The following IKBKG variants were observed in gnomAD, a reference collection of about 807,000 sequenced individuals.
The protein encoded by IKBKG is NF-kappa-B essential modulator.
In IKBKG, 2 loss-of-function variants were observed where a neutral mutation model predicts 13.7. That is an observed-to-expected ratio of 0.15 (90% CI 0.06 to 0.46). The LOEUF (loss-of-function observed/expected upper bound fraction) is 0.46. IKBKG is among the 20% of genes least tolerant of loss of function. The probability of loss-of-function intolerance (pLI) is 0.98; values close to 1 mark genes in which losing one functional copy is unlikely to be tolerated. For missense variants in IKBKG, 53 were observed against 150.3 expected, an observed-to-expected ratio of 0.35 and a Z score of 3.39; for synonymous variants, 22 against 64.4, an observed-to-expected ratio of 0.34 and a Z score of 3.15.
At chrX:154,553,812 G>C (rs1337909221) in intron 2 of IKBKG, among the ~76,000 whole-genome samples, 1 of 112,594 alleles carries the variant, frequency 8.9e-6, no homozygotes, top group African/African-American at 3.2e-5. Context: ...ACTGTATTGG[G>C]ATCTTCAAAG....
upstream of IKBKG, among the ~76,000 whole-genome samples, chrX:154,546,607 C>T (rs1317934759): frequency 1.8e-5 from 2 of 111,176 alleles, no homozygotes; most frequent in Non-Finnish European, 3.8e-5. Flanking sequence ...TCGGCAAGTC[C>T]CCTTCGCTCT....
chrX:154,542,722 C>A (rs782387448), upstream of IKBKG, among the ~76,000 whole-genome samples: 64 of 112,142 alleles, frequency 5.7e-4, no homozygotes, highest in African/African-American at 1.8e-3. Flanking sequence ...TTGTTCCCAA[C>A]TCGGGGCTCC....
At chrX:154,542,769 G>A (rs2070554792), upstream of IKBKG, among the ~76,000 whole-genome samples, 1 of 111,695 alleles carries the variant, frequency 9.0e-6, no homozygotes. Context: ...GTGCTCTCCC[G>A]GCCCTCTTTG....
intron 1 of IKBKG, among the ~76,000 whole-genome samples, chrX:154,550,939 G>T (rs1416406695): frequency 1.8e-5 from 2 of 109,483 alleles, no homozygotes; most frequent in Non-Finnish European, 3.8e-5. Flanking sequence ...CAGCCTCCTG[G>T]GTAGCTGGGG....
intron 2 of IKBKG, among the ~76,000 whole-genome samples, chrX:154,554,335 G>A (rs1219781805): frequency 2.7e-5 from 3 of 112,427 alleles, no homozygotes; most frequent in East Asian, 2.8e-4. Flanking sequence ...ATGGGGTCCC[G>A]GAACTGTTCT....
chrX:154,542,555 A>G (rs2070545620), upstream of IKBKG: 1 of 1,016,745 alleles, frequency 9.8e-7, no homozygotes, highest in East Asian at 3.5e-5. Flanking sequence ...CCAGGAAGGA[A>G]GCTGGGTGTG....
upstream of IKBKG, among the ~76,000 whole-genome samples, chrX:154,545,130 CGATGGCTGTCCTA>C (rs1351944260): frequency 9.0e-6 from 1 of 111,311 alleles, no homozygotes; most frequent in African/African-American, 3.3e-5. Context: ...TAGTCTCGGG[CGATGGCTGTCCTA>C]GGACCACCCC....
chrX:154,543,129 C>A (rs1169904510), upstream of IKBKG, among the ~76,000 whole-genome samples: 1 of 111,873 alleles, frequency 8.9e-6, no homozygotes, highest in African/African-American at 3.3e-5. Context: ...CACCTCCCAT[C>A]TCCCCCACAG....
At chrX:154,547,591 T>G (rs2070783493), upstream of IKBKG, 1 of 753,889 alleles carries the variant, frequency 1.3e-6, no homozygotes. Context: ...GCTTGTGTTT[T>G]TACTTCCGGA....
chrX:154,560,519 GCCGCGCT>G lies in IKBKG; in HGVS notation c.636_642del (p.Leu213TrpfsTer66), dbSNP rs1423523145. The G allele has an allele frequency of 2.0e-6, 1 of 494,639 alleles. No homozygotes were observed. The highest frequency in any genetic ancestry group is 2.7e-6 in the Non-Finnish European group (1 of 365,452). The allele number at this position is 494,639 out of a possible 1,213,427, so 40.8% of individuals were successfully genotyped here. On this transcript the variant is annotated frameshift_variant, in exon 5 of 10. Coordinates refer to ENST00000594239, the MANE Select transcript of IKBKG (RefSeq NM_001099857.5). LOFTEE classifies it high-confidence loss of function. The stretch of plus-strand genomic sequence containing the variant: ...GCGCATGCAGGGCCAGAGCGTGGAG[GCCGCGCT>G]CCGCATGGAGCGCCAGGCCGCCTCG...
intron 1 of IKBKG, 86 bp downstream of exon 1, chrX:154,547,831 C>A (rs1268820652): frequency 9.2e-5 from 69 of 754,006 alleles, no homozygotes; most frequent in Non-Finnish European, 1.1e-4. Context: ...AGGCTCCCCC[C>A]TCTTTTTTGG....
At chrX:154,548,994 C>CT (rs1329510045) in intron 1 of IKBKG, among the ~76,000 whole-genome samples, 277 of 93,994 alleles carry the variant, frequency 2.9e-3, no homozygotes, top group South Asian at 0.014. Flanking sequence ...TTCTTTCTTT[C>CT]TTTTTTTTTT....
At chrX:154,544,308 C>T (rs1261662033), upstream of IKBKG, among the ~76,000 whole-genome samples, 8 of 110,544 alleles carry the variant, frequency 7.2e-5, no homozygotes, top group Non-Finnish European at 1.1e-4. Flanking sequence ...ACTACAGGCA[C>T]GCACCACCAC....
chrX:154,553,631 C>T (rs782337769), intron 2 of IKBKG, among the ~76,000 whole-genome samples: 4 of 112,665 alleles, frequency 3.6e-5, no homozygotes, highest in Non-Finnish European at 7.5e-5. Context: ...TCAGTGCCAT[C>T]GGCACCTGGG....
At chrX:154,543,868 TA>T (rs1371750961), upstream of IKBKG, among the ~76,000 whole-genome samples, 6 of 106,438 alleles carry the variant, frequency 5.6e-5, no homozygotes, top group South Asian at 4.1e-4. Flanking sequence ...TAATTTTTGT[TA>T]TTTTTTTTTT....
In IKBKG at chrX:154,553,273, C is replaced by T. The variant is rs782470989; in HGVS notation, c.187+1084C>T. ...AGCTCCTGGGCGAGGTGGCATGTGCCGTGACTACTAGAGATCGCTGTCATG... is the reference window on the plus strand; with the variant it reads ...AGCTCCTGGGCGAGGTGGCATGTGCTGTGACTACTAGAGATCGCTGTCATG... On this transcript the variant is annotated intron_variant, in intron 2 of 9. Transcript: ENST00000594239. 4.4e-5 allele frequency among the ~76,000 whole-genome samples: 5 copies of T among 112,558 alleles called. No homozygotes were observed. The South Asian group carries it at 1.1e-3, about 25-fold the overall frequency.
intron 1 of IKBKG, 151 bp from the exon 2 acceptor site, chrX:154,551,837 A>C: frequency 2.5e-6 from 1 of 393,558 alleles, no homozygotes; most frequent in Admixed American, 4.5e-5. Flanking sequence ...AGTATCTGCT[A>C]CCCCTTAGAC....
chrX:154,546,868 C>T (rs1557233595), upstream of IKBKG: 3 of 1,100,632 alleles, frequency 2.7e-6, no homozygotes, highest in South Asian at 2.1e-5. Context: ...CCCGCCGGCC[C>T]ATTTAATCGG....
chrX:154,547,397 C>T, upstream of IKBKG: 1 of 754,466 alleles, frequency 1.3e-6, no homozygotes. Context: ...AGGCTAGACG[C>T]CGCCGTCCGA....
Sources: allele counts gnomAD v4.1 joint callset (sites outside exome capture counted in the v4.1 genomes callset), GRCh38; gene constraint gnomAD v4.1.1; transcripts MANE v1.5; gene names NCBI Gene and HGNC (gene_info 2026-07-23, HGNC 2026-07-21).